The following ATP6V0E1 variants were observed in gnomAD, a reference collection of about 807,000 sequenced individuals.
The protein encoded by ATP6V0E1 is V-type proton ATPase subunit e 1.
A neutral mutation model predicts 11.6 loss-of-function variants in ATP6V0E1; 4 were observed. The ratio of observed to expected loss-of-function variants is 0.35; its 90% CI spans 0.17 to 0.79. The LOEUF is 0.79. Ranked by LOEUF, ATP6V0E1 falls within the 30% of genes least tolerant of loss-of-function variation. The probability of loss-of-function intolerance (pLI) is 0.54; values close to 1 mark genes in which losing one functional copy is unlikely to be tolerated. For synonymous variants in ATP6V0E1, 36 were observed against 34.8 expected, an observed-to-expected ratio of 1.04 and a Z score of -0.13; for missense variants, 105 against 100.0, an observed-to-expected ratio of 1.05 and a Z score of -0.21.
At chr5:173,027,071 C>G (rs546580339) in intron 3 of ATP6V0E1, among the ~76,000 whole-genome samples, 1 of 145,424 alleles carries the variant, frequency 6.9e-6, no homozygotes, top group Non-Finnish European at 1.5e-5. Context: ...CCCAGCTACT[C>G]GGGAGGCTGG....
intron 1 of ATP6V0E1, among the ~76,000 whole-genome samples, chr5:172,986,463 AT>A (rs1007645427): frequency 2.2e-4 from 33 of 151,906 alleles, no homozygotes; most frequent in Admixed American, 4.6e-4. Flanking sequence ...TCTGAAAAAA[AT>A]TTTTTTTAAT....
intron 1 of ATP6V0E1, among the ~76,000 whole-genome samples, chr5:172,990,669 A>G (rs1485046528): frequency 6.6e-6 from 1 of 151,952 alleles, no homozygotes; most frequent in Non-Finnish European, 1.5e-5. Context: ...TCTACTAAAA[A>G]TACAAAAATT....
At chr5:173,027,211 G>A (rs1756576291) in intron 3 of ATP6V0E1, among the ~76,000 whole-genome samples, 1 of 123,104 alleles carries the variant, frequency 8.1e-6, no homozygotes, top group Non-Finnish European at 1.7e-5. Context: ...AAAATAGCCG[G>A]GCACGGTGGC....
intron 3 of ATP6V0E1, 81 bp downstream of exon 3, chr5:173,020,448 AT>A: frequency 1.2e-6 from 1 of 807,044 alleles, no homozygotes; most frequent in Non-Finnish European, 2.0e-6. Flanking sequence ...TTTTATGGCC[AT>A]TTTAACACGT....
intron 1 of ATP6V0E1, among the ~76,000 whole-genome samples, chr5:172,984,643 G>C (rs758803468): frequency 2.6e-5 from 4 of 152,196 alleles, no homozygotes; most frequent in Non-Finnish European, 5.9e-5. Context: ...CTTCTTTGTT[G>C]GTTAGAGCTT....
At chr5:172,996,258 C>T (rs1459174008) in intron 2 of ATP6V0E1, among the ~76,000 whole-genome samples, 1 of 152,072 alleles carries the variant, frequency 6.6e-6, no homozygotes, top group African/African-American at 2.4e-5. Context: ...CAGCAAAGTC[C>T]AGTATTAAAG....
At position 172,983,827 on chromosome 5, in the gene ATP6V0E1, C is replaced by T. The variant is rs773844663; in HGVS notation, c.-34C>T. 1 of 1,597,544 alleles carries T rather than the reference C, an allele frequency of 6.3e-7. No homozygotes were observed. The highest frequency in any genetic ancestry group is 1.3e-5 in the African/African-American group (1 of 74,598). On this transcript the variant is annotated 5_prime_UTR_variant, in exon 1 of 4. Transcript: ENST00000519374. ...ACTTCCTGGTGGGATCCGAGTGAGGCGACGGGGTAGGGGTTGGCGCTCAGG... is the reference window on the plus strand; with the variant it reads ...ACTTCCTGGTGGGATCCGAGTGAGGTGACGGGGTAGGGGTTGGCGCTCAGG...
At chr5:173,008,461 C>T (rs1756262736) in intron 2 of ATP6V0E1, among the ~76,000 whole-genome samples, 1 of 150,740 alleles carries the variant, frequency 6.6e-6, no homozygotes, top group Admixed American at 6.6e-5. Context: ...CCACACTGCC[C>T]AGCTAATTTT....
At position 172,983,828 on chromosome 5, in the gene ATP6V0E1, G is replaced by T. The variant is rs201017640; in HGVS notation, c.-33G>T. 6.2e-7 allele frequency: 1 copy of T among 1,602,184 alleles called. No individual in the cohort carries two copies. On this transcript the variant is annotated 5_prime_UTR_variant, in exon 1 of 4. Coordinates refer to ENST00000519374, the MANE Select transcript of ATP6V0E1 (RefSeq NM_003945.4). ...CTTCCTGGTGGGATCCGAGTGAGGC[G>T]ACGGGGTAGGGGTTGGCGCTCAGGC...
chr5:173,012,365 T>G (rs1158104230), intron 2 of ATP6V0E1, among the ~76,000 whole-genome samples: 1 of 151,902 alleles, frequency 6.6e-6, no homozygotes, highest in Non-Finnish European at 1.5e-5. Context: ...TACATGCATA[T>G]GTGTATGCAT....
chr5:172,984,001 G>A (rs1581621692), intron 1 of ATP6V0E1, 37 bp downstream of exon 1: 1 of 1,594,302 alleles, frequency 6.3e-7, no homozygotes, highest in Non-Finnish European at 8.6e-7. Flanking sequence ...GGAACGGGCG[G>A]TGAGGAGCTA....
chr5:173,022,407 G>A (rs1338784940), intron 3 of ATP6V0E1, among the ~76,000 whole-genome samples: 3 of 152,160 alleles, frequency 2.0e-5, no homozygotes, highest in Non-Finnish European at 4.4e-5. Flanking sequence ...ATCCATTGAT[G>A]ATCATAGCCT....
intron 1 of ATP6V0E1, among the ~76,000 whole-genome samples, chr5:172,993,823 A>G (rs1756023298): frequency 6.6e-6 from 1 of 152,100 alleles, no homozygotes; most frequent in Admixed American, 6.6e-5. Flanking sequence ...GGGAGCTATG[A>G]TCATGCCACT....
chr5:172,994,714 C>A, intron 1 of ATP6V0E1, 61 bp from the exon 2 acceptor site: 1 of 1,347,586 alleles, frequency 7.4e-7, no homozygotes, highest in Non-Finnish European at 1.0e-6. Flanking sequence ...TTAAACCATT[C>A]TGTGATGTTT....
chr5:173,019,989 G>C (rs959957689), intron 2 of ATP6V0E1, among the ~76,000 whole-genome samples: 5 of 152,186 alleles, frequency 3.3e-5, no homozygotes, highest in Admixed American at 2.0e-4. Context: ...CAGGTAATGA[G>C]AGAAAAGTCA....
chr5:173,023,121 TG>T (rs1168772984), intron 3 of ATP6V0E1, among the ~76,000 whole-genome samples: 2 of 151,058 alleles, frequency 1.3e-5, no homozygotes, highest in African/African-American at 4.9e-5. Flanking sequence ...CCTTCCAGAG[TG>T]TTGTGATTAT....
chr5:173,018,856 A>G (rs982956127), intron 2 of ATP6V0E1, among the ~76,000 whole-genome samples: 2 of 150,978 alleles, frequency 1.3e-5, no homozygotes, highest in African/African-American at 5.0e-5. Context: ...GTGATTCTCA[A>G]AACTTTATTT....
intron 1 of ATP6V0E1, 149 bp downstream of exon 1, chr5:172,984,113 CT>C: frequency 1.4e-6 from 1 of 733,768 alleles, no homozygotes; most frequent in East Asian, 2.6e-5. Flanking sequence ...GGCGGAACTC[CT>C]TGTGTTCCTT....
At chr5:172,986,070 C>G (rs962288516) in intron 1 of ATP6V0E1, among the ~76,000 whole-genome samples, 6 of 152,130 alleles carry the variant, frequency 3.9e-5, no homozygotes, top group African/African-American at 1.2e-4. Context: ...TTAAAATGGT[C>G]CACCTGTGTA....
Sources: gnomAD v4.1 joint callset for allele counts (sites outside exome capture counted in the v4.1 genomes callset) on GRCh38, gnomAD v4.1.1 for gene constraint, MANE v1.5 for transcripts, NCBI Gene and HGNC (gene_info 2026-07-23, HGNC 2026-07-21) for gene names.